Variants in SLX4 observed in about 807,000 individuals in gnomAD.
SLX4 encodes the protein SLX4 structure-specific endonuclease subunit, also known as structure-specific endonuclease subunit SLX4.
Under a neutral mutation model 146.2 loss-of-function variants are expected in SLX4, and 112 were observed. That is an observed-to-expected ratio of 0.77 (90% CI 0.66 to 0.90). The LOEUF (loss-of-function observed/expected upper bound fraction) is 0.90. Among genes scored for constraint, SLX4 ranks in the 40% least tolerant of loss-of-function variants. The probability of loss-of-function intolerance (pLI) is 0.00; values close to 1 mark genes in which losing one functional copy is unlikely to be tolerated. For missense variants in SLX4, 2,563 were observed against 2,392.7 expected (o/e 1.07, Z -1.49); for synonymous variants, 1,061 against 997.7 (o/e 1.06, Z -1.20).
chr16:3,590,429 G>A lies in SLX4; in HGVS notation c.3209C>T (p.Ser1070Phe), dbSNP rs2040570774. The change falls in exon 12 of 15, where the codon TCC becomes TTC. Residue 1070 changes from serine (S) to phenylalanine (F), a missense_variant. Physicochemically the swap from Ser to Phe is radical, Grantham distance 155. Coordinates refer to ENST00000294008, the MANE Select transcript of SLX4 (RefSeq NM_032444.4). The surrounding 1 kb of genome is among the most constrained non-coding windows in gnomAD (Gnocchi z 4.8). Reference protein sequence around the residue: ...RSRGGTSQVGSPTLLSPAVPS... With the variant: ...RSRGGTSQVGFPTLLSPAVPS... ...CACAGCTGGAGACAGCAAGGTTGGG[G>A]AGCCCACCTGGGAAGTTCCGCCACG... The A allele has an allele frequency of 2.5e-6, 4 of 1,614,200 alleles. No individual in the cohort carries two copies. The Middle Eastern group carries it at 4.9e-4, about 200-fold the overall frequency.
At chr16:3,606,363 G>T in intron 3 of SLX4, 111 bp downstream of exon 3, 1 of 1,174,236 alleles carries the variant, frequency 8.5e-7, no homozygotes, top group Non-Finnish European at 1.3e-6. Context: ...ACATCAAGCA[G>T]AGAGCCTATC....
chr16:3,590,604 T>C lies in SLX4; in HGVS notation c.3034A>G (p.Arg1012Gly). The C allele has an allele frequency of 1.2e-6, 2 of 1,613,826 alleles. No individual in the cohort carries two copies. The highest frequency in any genetic ancestry group is 1.7e-6 in the Non-Finnish European group (2 of 1,179,742). Residue 1012 changes from arginine (R) to glycine (G), a missense_variant, in exon 12 of 15, where the codon AGG (arginine) becomes GGG (glycine). Physicochemically the swap from Arg to Gly is moderately radical, Grantham distance 125. Transcript: ENST00000294008. The surrounding 1 kb of genome is among the most constrained non-coding windows in gnomAD (Gnocchi z 4.8). ...TGAGAAACCTCCAGCCCCCTTTCCC[T>C]GACAGCGCCACTTTGTTCCTCGGGC... ...SEPEEQSGAV[R>G]ERGLEVSHRL...
In SLX4 at chr16:3,597,391, C is replaced by G. The variant is rs1360839972; in HGVS notation, c.1671G>C (p.Gln557His). The G allele has an allele frequency of 6.3e-7, 1 of 1,579,890 alleles. No homozygotes were observed. Among genetic ancestry groups the G allele is most frequent in the Admixed American group, 1.8e-5 (1 of 55,272 alleles). ...GGGAGGGACTCACCTGGGCAGGCCG[C>G]TGGGGCACGAGAGGAGGGACCAGCC... ...TARLVPPLVP[Q>H]RPAQGLMQEP... is the part of the protein sequence containing the mutation. The change falls in exon 7 of 15, where the codon CAG becomes CAC. Residue 557 changes from glutamine (Q) to histidine (H), a missense_variant. Coordinates refer to ENST00000294008, the MANE Select transcript of SLX4 (RefSeq NM_032444.4). This position sits in a 1 kb window ranked among gnomAD's most constrained non-coding sequence, Gnocchi z 4.4.
chr16:3,589,285 G>C lies in SLX4; in HGVS notation c.4353C>G (p.Thr1451=), dbSNP rs1234570851. Residue 1451 remains threonine, a synonymous_variant, in exon 12 of 15, where the codon ACC becomes ACG. Transcript: ENST00000294008. This position sits in a 1 kb window ranked among gnomAD's most constrained non-coding sequence, Gnocchi z 6.2. ...WNLERTGPLS[T]SSPSRRMNEA... ...CGTTCATCCTGCGGCTGGGGCTGCT[G>C]GTGCTCAGGGGGCCGGTCCGCTCCA... The C allele has an allele frequency of 6.3e-7, 1 of 1,591,518 alleles. No homozygotes were observed. The highest frequency in any genetic ancestry group is 1.1e-5 in the South Asian group (1 of 87,578).
At chr16:3,584,519 C>T (rs1392596505) in intron 13 of SLX4, among the ~76,000 whole-genome samples, 1 of 152,192 alleles carries the variant, frequency 6.6e-6, no homozygotes, top group Non-Finnish European at 1.5e-5. Flanking sequence ...GGGTGACATG[C>T]ACGAATCCTG....
chr16:3,605,478 C>A (rs1000171088), intron 3 of SLX4, among the ~76,000 whole-genome samples: 12 of 152,066 alleles, frequency 7.9e-5, no homozygotes, highest in African/African-American at 2.9e-4. Context: ...CTGCCTTGGC[C>A]TCCCAAAGTT....
intron 13 of SLX4, among the ~76,000 whole-genome samples, chr16:3,584,025 T>C (rs2151117504): frequency 6.6e-6 from 1 of 152,050 alleles, no homozygotes; most frequent in East Asian, 1.9e-4. Context: ...ACAAAAGATA[T>C]GCTGCTCCCA....
chr16:3,600,570 T>TCTGGAG (rs2151133516), intron 5 of SLX4: 1 of 204,480 alleles, frequency 4.9e-6, no homozygotes, highest in Non-Finnish European at 9.7e-6. Flanking sequence ...GGGCTCTTTT[T>TCTGGAG]CCCTCCAACA....
intron 1 of SLX4, among the ~76,000 whole-genome samples, chr16:3,610,871 G>C (rs915959587): frequency 6.6e-6 from 1 of 152,196 alleles, no homozygotes; most frequent in Non-Finnish European, 1.5e-5. Context: ...TGCGGGGAGA[G>C]GAAAGGATTG....
intron 1 of SLX4, among the ~76,000 whole-genome samples, chr16:3,611,312 C>T (rs2040868102): frequency 6.6e-6 from 1 of 152,206 alleles, no homozygotes; most frequent in Non-Finnish European, 1.5e-5. Context: ...CCGGACTGGC[C>T]CGGACGGAGA....
chr16:3,598,853 G>A (rs994420853), intron 5 of SLX4, among the ~76,000 whole-genome samples: 1 of 152,178 alleles, frequency 6.6e-6, no homozygotes, highest in Non-Finnish European at 1.5e-5. Flanking sequence ...CACAGACTGT[G>A]TTCCCTCCTC....
At chr16:3,602,087 C>T (rs371004877) in intron 4 of SLX4, 31 bp downstream of exon 4, 73 of 1,613,564 alleles carry the variant, frequency 4.5e-5, no homozygotes, top group Middle Eastern at 1.6e-4. Flanking sequence ...GTCACATACA[C>T]GGGAGAGGCG....
rs1355291111 is a variant in SLX4 at position 3,594,595 on chromosome 16, G to C, written c.2018C>G (p.Ser673Cys). Residue 673 changes from serine (S) to cysteine (C), a missense_variant, in exon 10 of 15, where the codon TCC (serine) becomes TGC (cysteine). By Grantham distance (112) the Ser-to-Cys change is moderately radical. Transcript: ENST00000294008. The stretch of plus-strand genomic sequence containing the variant: ...AAAGTCAGCAACCAGCAGCCCGAGG[G>C]AGAGCTGAAGCAGGAGGAGAGGAAG... The part of the protein sequence containing the change: ...HPDRGGRTLL[S>C]LGLLVADFGA... 3 of 1,614,092 alleles carry C rather than the reference G, an allele frequency of 1.9e-6. No homozygotes were observed. The East Asian group carries it at 6.7e-5, about 36-fold the overall frequency.
intron 9 of SLX4, among the ~76,000 whole-genome samples, chr16:3,594,962 C>T (rs947453039): frequency 3.9e-5 from 6 of 152,186 alleles, no homozygotes; most frequent in African/African-American, 9.6e-5. Context: ...TCCCCTGTGA[C>T]GGACAAGCAC....
intron 10 of SLX4, among the ~76,000 whole-genome samples, chr16:3,593,121 A>C (rs1192851716): frequency 6.6e-6 from 1 of 152,114 alleles, no homozygotes; most frequent in African/African-American, 2.4e-5. Context: ...CCCAGGCTGG[A>C]GTGCAGTGGT....
intron 4 of SLX4, chr16:3,601,618 T>C (rs1357995258): frequency 3.1e-6 from 1 of 321,990 alleles, no homozygotes; most frequent in South Asian, 2.8e-5. Context: ...AAACACAGTC[T>C]AGCCATACAA....
rs746178364 is a variant in SLX4 at position 3,590,625 on chromosome 16, C to T, written c.3013G>A (p.Glu1005Lys). 7.4e-6 allele frequency: 12 copies of T among 1,614,166 alleles called. No homozygotes were observed. Among genetic ancestry groups the T allele is most frequent in the African/African-American group, 2.7e-5 (2 of 75,050 alleles). Residue 1005 changes from glutamate (E) to lysine (K), a missense_variant, in exon 12 of 15, where the codon GAG becomes AAG. Glu to Lys is a moderately conservative substitution (Grantham distance 56). Transcript: ENST00000294008. This position sits in a 1 kb window ranked among gnomAD's most constrained non-coding sequence, Gnocchi z 4.8. ...TCCCTGACAGCGCCACTTTGTTCCTCGGGCTCACTTGTTATTTGGGACGGC... is the reference window on the plus strand; with the variant it reads ...TCCCTGACAGCGCCACTTTGTTCCTTGGGCTCACTTGTTATTTGGGACGGC... Reference protein sequence around the residue: ...SEPSQITSEPEEQSGAVRERG... With the variant: ...SEPSQITSEPKEQSGAVRERG...
rs984137258 is a variant in SLX4 at position 3,582,620 on chromosome 16, A to C, written c.5227T>G (p.Ser1743Ala). Residue 1743 changes from serine to alanine, a missense_variant, in exon 15 of 15, where the codon TCG becomes GCG. Transcript: ENST00000294008. ...EEEGEGEVSA[S>A]QAAVQAADTD... ...TCCGCCGCCTGCACGGCTGCCTGCG[A>C]GGCACTGACCTCCCCCTCGCCCTCC... 1 of 1,613,596 alleles carries C rather than the reference A, an allele frequency of 6.2e-7. No homozygotes were observed.
In SLX4 at chr16:3,590,186, A is replaced by C; in HGVS notation, c.3452T>G (p.Val1151Gly). The change falls in exon 12 of 15, where the codon GTC becomes GGC. Residue 1151 changes from valine (V) to glycine (G), a missense_variant. By Grantham distance (109) the Val-to-Gly change is moderately radical (BLOSUM62 -3). Transcript: ENST00000294008. The surrounding 1 kb of genome is among the most constrained non-coding windows in gnomAD (Gnocchi z 4.8). ...CTCATCCGAGTCCAGTAAGAGGATG[A>C]CCTCATCTTCTTCGTTCAGTTTGGA... is the stretch of plus-strand genomic sequence containing the variant. ...SSSKLNEEDE[V>G]ILLLDSDEEL... 6.2e-7 allele frequency: 1 copy of C among 1,613,828 alleles called. No homozygotes were observed. The highest frequency in any genetic ancestry group is 8.5e-7 in the Non-Finnish European group (1 of 1,179,958).
Sources: gnomAD v4.1 joint callset for allele counts (sites outside exome capture counted in the v4.1 genomes callset) on GRCh38, gnomAD v4.1.1 for gene constraint, Gnocchi (gnomAD v3.1) non-coding constraint, MANE v1.5 for transcripts, NCBI Gene and HGNC (gene_info 2026-07-23, HGNC 2026-07-21) for gene names.